Variants in PPEF1 observed in about 807,000 individuals in gnomAD.
PPEF1 encodes the protein protein phosphatase with EF-hand domain 1.
PPEF1 carries 12 observed loss-of-function variants against 53.3 expected under a neutral mutation model. The observed-to-expected ratio is 0.23, with a 90% CI of 0.14 to 0.36. The LOEUF is 0.36. PPEF1 is among the 10% of genes least tolerant of loss of function. The pLI, the probability that PPEF1 is intolerant of heterozygous loss-of-function variation, is 1.00. For synonymous variants in PPEF1, 165 were observed against 176.7 expected (o/e 0.93, Z 0.52); for missense variants, 334 against 490.4 (o/e 0.68, Z 3.01).
upstream of PPEF1, among the ~76,000 whole-genome samples, chrX:18,704,517 A>C (rs1212072369): frequency 9.0e-6 from 1 of 110,629 alleles, no homozygotes; most frequent in Admixed American, 9.7e-5. Context: ...GAATGTCACC[A>C]GGACTAGATG....
intron 11 of PPEF1, among the ~76,000 whole-genome samples, chrX:18,804,417 G>A (rs886582683): frequency 2.8e-5 from 3 of 108,342 alleles, no homozygotes; most frequent in Non-Finnish European, 3.8e-5. Context: ...AGTGATTCTC[G>A]TGCCTCAGCC....
intron 2 of PPEF1, among the ~76,000 whole-genome samples, chrX:18,732,043 C>T (rs925739714): frequency 3.6e-5 from 4 of 112,411 alleles, no homozygotes; most frequent in Non-Finnish European, 5.6e-5. Context: ...TGTGCCACCA[C>T]GCCCAGCTAA....
At chrX:18,687,199 A>G (rs1457504634) in intron 3 of PPEF1, among the ~76,000 whole-genome samples, 1 of 111,227 alleles carries the variant, frequency 9.0e-6, no homozygotes, top group Admixed American at 9.7e-5. Flanking sequence ...ACTGTGTCAC[A>G]TGACTACCCA....
intron 13 of PPEF1, among the ~76,000 whole-genome samples, chrX:18,821,006 G>C (rs905440416): frequency 9.2e-6 from 1 of 109,137 alleles, no homozygotes; most frequent in Non-Finnish European, 1.9e-5. Flanking sequence ...GGTGGATCAC[G>C]AGGTCAGGAG....
At chrX:18,821,151 A>G (rs1374101311) in intron 13 of PPEF1, among the ~76,000 whole-genome samples, 1 of 103,227 alleles carries the variant, frequency 9.7e-6, no homozygotes, top group African/African-American at 3.6e-5. Flanking sequence ...TGAACCCAGG[A>G]GGCGCAGCTT....
intron 1 of PPEF1, among the ~76,000 whole-genome samples, chrX:18,714,273 TTTTG>T (rs1477942254): frequency 1.1e-4 from 6 of 57,050 alleles, no homozygotes; most frequent in African/African-American, 2.8e-4. Context: ...TTTTTCGTTT[TTTTG>T]TTTTTTTTTT....
intron 3 of PPEF1, among the ~76,000 whole-genome samples, chrX:18,747,889 T>C (rs750900242): frequency 8.9e-6 from 1 of 112,242 alleles, no homozygotes; most frequent in African/African-American, 3.2e-5. Context: ...TTTGCTGTTA[T>C]TTGTTTTTTC....
At position 18,783,945 on chromosome X, in the gene PPEF1, G is replaced by A; in HGVS notation, c.809G>A (p.Trp270Ter). ...ILQILEEFYA[W>*]LPIGTIVDNE... is the part of the protein sequence containing the mutation. ...CAAATCTTGGAAGAATTCTATGCCT[G>A]GCTCCCAATCGGTACAATCGTTGAC... Residue 270 changes from tryptophan to a stop codon, truncating the protein, a stop_gained, in exon 9 of 16, where the codon TGG (tryptophan) becomes TAG (stop). Coordinates refer to ENST00000470157, the MANE Select transcript of PPEF1 (RefSeq NM_001377996.1). LOFTEE classifies it high-confidence loss of function. 8.3e-7 allele frequency: 1 copy of A among 1,208,541 alleles called. No individual in the cohort carries two copies. Among genetic ancestry groups the A allele is most frequent in the Non-Finnish European group, 1.1e-6 (1 of 893,304 alleles).
At chrX:18,695,299 T>C (rs1297580234) in intron 4 of PPEF1, among the ~76,000 whole-genome samples, 1 of 112,941 alleles carries the variant, frequency 8.9e-6, no homozygotes, top group Non-Finnish European at 1.9e-5. Context: ...GCACAAAAGC[T>C]GTGAAGATAA....
chrX:18,689,918 C>T (rs1003805756), intron 3 of PPEF1, among the ~76,000 whole-genome samples: 4 of 110,928 alleles, frequency 3.6e-5, no homozygotes, highest in African/African-American at 1.3e-4. Context: ...TGCTTGACTC[C>T]ATCCCCCATC....
At chrX:18,790,314 A>G (rs940133948) in intron 10 of PPEF1, among the ~76,000 whole-genome samples, 2 of 111,906 alleles carry the variant, frequency 1.8e-5, no homozygotes, top group Non-Finnish European at 3.8e-5. Context: ...TTATTATTGC[A>G]TTGTAGGAGG....
chrX:18,682,677 A>G (rs1928922794), upstream of PPEF1, among the ~76,000 whole-genome samples: 1 of 111,637 alleles, frequency 9.0e-6, no homozygotes, highest in Admixed American at 9.5e-5. Context: ...GACACTTGCA[A>G]TGGAAAGAGT....
intron 11 of PPEF1, 114 bp from the exon 12 acceptor site, chrX:18,806,289 T>C (rs1329915996): frequency 1.2e-6 from 1 of 816,853 alleles, no homozygotes; most frequent in Non-Finnish European, 1.8e-6. Context: ...ATTTGCAGGG[T>C]TTATGAACCT....
At position 18,693,644 on chromosome X, in the gene PPEF1, G is replaced by A. The variant is rs1271755652; in HGVS notation, c.-313+2550G>A. On this transcript the variant is annotated intron_variant, in intron 4 of 21. Transcript: ENST00000361511. ...TGTAATGGCGCAACCTTGGCTCACC[G>A]CAACCTCCGCCTCCCGGGTTCAAGG... is the stretch of plus-strand genomic sequence containing the variant. Among the ~76,000 whole-genome samples, 2 of 112,036 alleles carry A rather than the reference G, an allele frequency of 1.8e-5. 1 individual carries two copies. The highest frequency in any genetic ancestry group is 3.8e-5 in the Non-Finnish European group (2 of 53,220).
At chrX:18,761,168 C>G (rs1602423177) in intron 5 of PPEF1, among the ~76,000 whole-genome samples, 1 of 111,500 alleles carries the variant, frequency 9.0e-6, no homozygotes, top group Non-Finnish European at 1.9e-5. Flanking sequence ...ACTTACTTAA[C>G]TACTGTGAGC....
chrX:18,793,112 G>T (rs1030806038), intron 10 of PPEF1, among the ~76,000 whole-genome samples: 2 of 107,526 alleles, frequency 1.9e-5, no homozygotes, highest in African/African-American at 3.4e-5. Context: ...TCCTTAGAAG[G>T]TAATATCATT....
At chrX:18,800,001 G>C (rs1231120636) in intron 10 of PPEF1, among the ~76,000 whole-genome samples, 8 of 111,774 alleles carry the variant, frequency 7.2e-5, no homozygotes, top group African/African-American at 2.6e-4. Context: ...GCAGAACTCA[G>C]GGAATGGATT....
At chrX:18,734,171 G>C (rs1403714655) in intron 3 of PPEF1, among the ~76,000 whole-genome samples, 1 of 108,902 alleles carries the variant, frequency 9.2e-6, no homozygotes. Flanking sequence ...GGGTACATGT[G>C]ATCAACGTGC....
At chrX:18,791,089 C>T (rs1245900789) in intron 10 of PPEF1, among the ~76,000 whole-genome samples, 1 of 112,261 alleles carries the variant, frequency 8.9e-6, no homozygotes, top group Non-Finnish European at 1.9e-5. Context: ...TTATATTTCA[C>T]AATCTCTATG....
Sources: allele counts gnomAD v4.1 joint callset (sites outside exome capture counted in the v4.1 genomes callset), GRCh38; gene constraint gnomAD v4.1.1; transcripts MANE v1.5; gene names NCBI Gene and HGNC (gene_info 2026-07-23, HGNC 2026-07-21).